CCDC85A: variants seen among roughly 807,000 people sequenced by gnomAD.
CCDC85A encodes the protein coiled-coil domain containing 85A.
Under a neutral mutation model 50.2 loss-of-function variants are expected in CCDC85A, and 38 were observed. The ratio of observed to expected loss-of-function variants is 0.76; its 90% confidence interval spans 0.58 to 0.99. The LOEUF (loss-of-function observed/expected upper bound fraction) is 0.99. Among genes scored for constraint, CCDC85A ranks in the 50% least tolerant of loss-of-function variants. CCDC85A has a pLI of 0.00. For synonymous variants in CCDC85A, 366 were observed against 301.4 expected, an observed-to-expected ratio of 1.21 and a Z score of -2.22; for missense variants, 820 against 742.0, an observed-to-expected ratio of 1.11 and a Z score of -1.22.
At chr2:56,329,187 G>T (rs1217857451) in intron 2 of CCDC85A, among the ~76,000 whole-genome samples, 1 of 152,068 alleles carries the variant, frequency 6.6e-6, no homozygotes, top group African/African-American at 2.4e-5. Context: ...CCATCTTAGG[G>T]ACTTCTCAAG....
intron 2 of CCDC85A, among the ~76,000 whole-genome samples, chr2:56,330,021 T>C (rs1453873764): frequency 7.4e-6 from 1 of 134,534 alleles, no homozygotes. Flanking sequence ...CAATACCGAC[T>C]AGATGCACTT....
chr2:56,253,291 A>G (rs1196489146), intron 2 of CCDC85A, among the ~76,000 whole-genome samples: 1 of 152,176 alleles, frequency 6.6e-6, no homozygotes, highest in Non-Finnish European at 1.5e-5. Context: ...AGAGACTAGA[A>G]AAGATTCTTG....
intron 2 of CCDC85A, among the ~76,000 whole-genome samples, chr2:56,224,400 T>C (rs1159877299): frequency 6.6e-6 from 1 of 152,252 alleles, no homozygotes; most frequent in Non-Finnish European, 1.5e-5. Flanking sequence ...TTTTGGCTGT[T>C]ATGAATATTG....
chr2:56,304,387 T>C (rs1387204222), intron 2 of CCDC85A, among the ~76,000 whole-genome samples: 1 of 152,202 alleles, frequency 6.6e-6, no homozygotes, highest in African/African-American at 2.4e-5. Context: ...GAATATGATA[T>C]GCATAAAAAT....
intron 3 of CCDC85A, among the ~76,000 whole-genome samples, chr2:56,367,799 C>G (rs17047830): frequency 6.6e-6 from 1 of 151,972 alleles, no homozygotes; most frequent in East Asian, 1.9e-4. Context: ...CAAAAACATT[C>G]ATGATAAGGA....
At chr2:56,331,898 A>C (rs1042682795) in intron 2 of CCDC85A, among the ~76,000 whole-genome samples, 1 of 152,068 alleles carries the variant, frequency 6.6e-6, no homozygotes, top group Non-Finnish European at 1.5e-5. Context: ...TTTTCTCTTC[A>C]CAAAAAAATG....
intron 5 of CCDC85A, 105 bp from the exon 6 acceptor site, chr2:56,384,156 CTCTTG>C (rs1676718508): frequency 1.1e-6 from 1 of 900,538 alleles, no homozygotes. Context: ...GATATTTTGT[CTCTTG>C]TCTTTACTTC....
At chr2:56,331,058 T>A (rs924977967) in intron 2 of CCDC85A, among the ~76,000 whole-genome samples, 6 of 152,108 alleles carry the variant, frequency 3.9e-5, no homozygotes, top group African/African-American at 1.4e-4. Flanking sequence ...AAAAAAAGAA[T>A]GAAATCATGT....
At position 56,192,376 on chromosome 2, in the gene CCDC85A, C is replaced by T; in HGVS notation, c.277-101C>T. ...TCCCTCACCTCCTCCCCTAACCTCA[C>T]AGGTAATTCACCAGTTACAGGCTCT... On this transcript the variant is annotated intron_variant, in intron 1 of 5. Coordinates refer to ENST00000407595, the MANE Select transcript of CCDC85A (RefSeq NM_001080433.2). The surrounding 1 kb of genome is among the most constrained non-coding windows in gnomAD (Gnocchi z 4.7). 2 of 1,499,546 alleles carry T rather than the reference C, an allele frequency of 1.3e-6. No individual in the cohort carries two copies. The highest frequency in any genetic ancestry group is 2.7e-5 in the South Asian group (2 of 73,112). 92.9% of individuals were successfully genotyped at this position (1,499,546 alleles called of 1,614,324 possible).
At chr2:56,381,934 A>G (rs1676603218) in intron 5 of CCDC85A, among the ~76,000 whole-genome samples, 1 of 152,022 alleles carries the variant, frequency 6.6e-6, no homozygotes, top group African/African-American at 2.4e-5. Context: ...TGTATAAGAT[A>G]CTTTCAGAAA....
chr2:56,380,591 A>G (rs1485413582), intron 5 of CCDC85A, among the ~76,000 whole-genome samples: 1 of 151,828 alleles, frequency 6.6e-6, no homozygotes, highest in Non-Finnish European at 1.5e-5. Context: ...AGGATAGACA[A>G]ATAGAAATCT....
intron 2 of CCDC85A, among the ~76,000 whole-genome samples, chr2:56,252,485 G>A (rs1333839206): frequency 6.6e-6 from 1 of 152,136 alleles, no homozygotes; most frequent in African/African-American, 2.4e-5. Context: ...TTGCAGCTGT[G>A]AAAATGCATA....
chr2:56,232,865 G>A (rs929214473), intron 2 of CCDC85A, among the ~76,000 whole-genome samples: 3 of 152,028 alleles, frequency 2.0e-5, no homozygotes, highest in Admixed American at 6.6e-5. Flanking sequence ...CCCCTCTTTT[G>A]TCTTTATATA....
At chr2:56,289,122 T>C (rs1016041788) in intron 2 of CCDC85A, among the ~76,000 whole-genome samples, 2 of 152,170 alleles carry the variant, frequency 1.3e-5, no homozygotes, top group South Asian at 4.1e-4. Flanking sequence ...AGTATTCAGG[T>C]TCATAAGTCA....
At chr2:56,252,283 T>C (rs574157638) in intron 2 of CCDC85A, among the ~76,000 whole-genome samples, 224 of 152,242 alleles carry the variant, frequency 1.5e-3, no homozygotes, top group African/African-American at 5.1e-3. Context: ...CCTGACCTTG[T>C]GATCCACCTG....
At chr2:56,301,944 C>T (rs936037384) in intron 2 of CCDC85A, among the ~76,000 whole-genome samples, 1 of 152,090 alleles carries the variant, frequency 6.6e-6, no homozygotes, top group Admixed American at 6.6e-5. Context: ...TATTTCAGAA[C>T]TTAAAGTGTA....
intron 2 of CCDC85A, among the ~76,000 whole-genome samples, chr2:56,234,042 A>T (rs1286819109): frequency 1.3e-5 from 2 of 152,190 alleles, no homozygotes; most frequent in Non-Finnish European, 2.9e-5. Context: ...TTATGAGGAC[A>T]CCTGAAAAGT....
At chr2:56,194,266 C>T (rs1573005996) in intron 2 of CCDC85A, among the ~76,000 whole-genome samples, 1 of 152,148 alleles carries the variant, frequency 6.6e-6, no homozygotes. Context: ...CAGTGCTAAA[C>T]CTGAGCTTTT....
intron 3 of CCDC85A, among the ~76,000 whole-genome samples, chr2:56,366,038 T>C (rs757914495): frequency 3.3e-5 from 5 of 152,166 alleles, no homozygotes; most frequent in Admixed American, 3.3e-4. Flanking sequence ...ACTTATTTCA[T>C]TTAGTGTAAT....
Sources: gnomAD v4.1 joint callset for allele counts (sites outside exome capture counted in the v4.1 genomes callset) on GRCh38, gnomAD v4.1.1 for gene constraint, Gnocchi (gnomAD v3.1) non-coding constraint, MANE v1.5 for transcripts, NCBI Gene and HGNC (gene_info 2026-07-23, HGNC 2026-07-21) for gene names.